The following AP3S1 variants were observed in gnomAD, a reference collection of about 807,000 sequenced individuals.
AP3S1 encodes adaptor related protein complex 3 subunit sigma 1.
AP3S1 carries 12 observed loss-of-function variants against 21.3 expected under a neutral mutation model. That is an observed-to-expected ratio of 0.56 (90% CI 0.36 to 0.91). The LOEUF (loss-of-function observed/expected upper bound fraction) is 0.91. AP3S1 is among the 40% of genes least tolerant of loss of function. The pLI, the probability that AP3S1 is intolerant of heterozygous loss-of-function variation, is 0.01. For missense variants in AP3S1, 116 were observed against 225.0 expected, an observed-to-expected ratio of 0.52 and a Z score of 3.10; for synonymous variants, 48 against 78.4, an observed-to-expected ratio of 0.61 and a Z score of 2.05.
intron 3 of AP3S1, among the ~76,000 whole-genome samples, chr5:115,871,433 A>G (rs1399342923): frequency 6.6e-6 from 1 of 152,152 alleles, no homozygotes; most frequent in Non-Finnish European, 1.5e-5. Flanking sequence ...CCTCCACTCC[A>G]TCTCACTATG....
At chr5:115,885,582 T>C (rs1749710366) in intron 3 of AP3S1, among the ~76,000 whole-genome samples, 1 of 152,196 alleles carries the variant, frequency 6.6e-6, no homozygotes, top group African/African-American at 2.4e-5. Flanking sequence ...TGGCAGCCAG[T>C]TGGATGGTGC....
intron 3 of AP3S1, among the ~76,000 whole-genome samples, chr5:115,886,928 T>C (rs1252793878): frequency 6.6e-6 from 1 of 152,210 alleles, no homozygotes; most frequent in South Asian, 2.1e-4. Flanking sequence ...AATAAATGAC[T>C]GTTTTTGCTA....
chr5:115,900,706 G>C (rs1460600283), intron 4 of AP3S1, among the ~76,000 whole-genome samples: 1 of 152,198 alleles, frequency 6.6e-6, no homozygotes, highest in Non-Finnish European at 1.5e-5. Context: ...CTTCAGTAGA[G>C]AATGATGTTT....
At chr5:115,910,705 T>TA (rs1201094986) in intron 5 of AP3S1, among the ~76,000 whole-genome samples, 2 of 152,306 alleles carry the variant, frequency 1.3e-5, no homozygotes, top group Middle Eastern at 3.4e-3. Flanking sequence ...TCTTTTTTTT[T>TA]AGCCCTAAAT....
At chr5:115,895,181 T>A in intron 4 of AP3S1, 23 bp downstream of exon 4, 2 of 1,494,602 alleles carry the variant, frequency 1.3e-6, no homozygotes, top group Non-Finnish European at 1.8e-6. Context: ...TTGTCACATC[T>A]AAGCTTTTTA....
chr5:115,843,090 T>C (rs1175494399), intron 1 of AP3S1, among the ~76,000 whole-genome samples: 2 of 152,246 alleles, frequency 1.3e-5, no homozygotes, highest in Admixed American at 6.5e-5. Context: ...TATAGAGTTA[T>C]GTGCTTACCT....
At chr5:115,896,568 C>G (rs1247444388) in intron 4 of AP3S1, among the ~76,000 whole-genome samples, 1 of 152,080 alleles carries the variant, frequency 6.6e-6, no homozygotes, top group Non-Finnish European at 1.5e-5. Flanking sequence ...TGCTTGAGCC[C>G]AGGAGTTTGA....
intron 3 of AP3S1, among the ~76,000 whole-genome samples, chr5:115,881,634 A>G (rs1749300796): frequency 6.6e-6 from 1 of 151,684 alleles, no homozygotes; most frequent in South Asian, 2.1e-4. Flanking sequence ...TACCTTTAAC[A>G]TTTTTTCCTT....
intron 2 of AP3S1, 38 bp downstream of exon 2, chr5:115,866,799 CTA>C (rs1763657177): frequency 1.4e-6 from 2 of 1,413,988 alleles, no homozygotes; most frequent in East Asian, 2.4e-5. Context: ...TAAGTTTTGA[CTA>C]TGTGATTAAA....
At chr5:115,901,226 C>A (rs867499145) in intron 4 of AP3S1, among the ~76,000 whole-genome samples, 6 of 151,970 alleles carry the variant, frequency 3.9e-5, no homozygotes, top group African/African-American at 1.5e-4. Flanking sequence ...TATGCATATA[C>A]ACACGTATAA....
chr5:115,850,404 CA>C (rs1360443892), intron 1 of AP3S1, among the ~76,000 whole-genome samples: 3 of 152,128 alleles, frequency 2.0e-5, no homozygotes, highest in Non-Finnish European at 4.4e-5. Context: ...TGCAAGTGTA[CA>C]GTTTTGTGGC....
chr5:115,894,923 ACT>A (rs1484197097), intron 3 of AP3S1, among the ~76,000 whole-genome samples, 162 bp from the exon 4 acceptor site: 3 of 152,052 alleles, frequency 2.0e-5, no homozygotes, highest in Non-Finnish European at 4.4e-5. Flanking sequence ...ACTTGGTAGG[ACT>A]CTATTCTTTT....
chr5:115,863,175 G>A (rs1763329175), intron 1 of AP3S1, among the ~76,000 whole-genome samples: 1 of 151,914 alleles, frequency 6.6e-6, no homozygotes, highest in African/African-American at 2.4e-5. Context: ...CGAGGCGGGT[G>A]GATCACCTCG....
intron 1 of AP3S1, among the ~76,000 whole-genome samples, chr5:115,845,095 GTAA>G (rs1280044366): frequency 1.3e-5 from 2 of 152,144 alleles, no homozygotes; most frequent in African/African-American, 4.8e-5. Context: ...TAGCATAAAA[GTAA>G]TGATGGCATA....
At chr5:115,868,683 AC>A (rs1747914875) in intron 2 of AP3S1, among the ~76,000 whole-genome samples, 1 of 151,852 alleles carries the variant, frequency 6.6e-6, no homozygotes, top group Admixed American at 6.6e-5. Context: ...GGAGTTCGAG[AC>A]CAGCCTGGGC....
At chr5:115,853,303 C>T (rs887853773) in intron 1 of AP3S1, among the ~76,000 whole-genome samples, 1 of 152,060 alleles carries the variant, frequency 6.6e-6, no homozygotes, top group Non-Finnish European at 1.5e-5. Context: ...AAATCCTTTG[C>T]CTGTTTTTAA....
At chr5:115,878,698 A>G (rs757495128) in intron 3 of AP3S1, among the ~76,000 whole-genome samples, 30 of 152,216 alleles carry the variant, frequency 2.0e-4, no homozygotes, top group East Asian at 3.9e-4. Context: ...TTGGTTCCAT[A>G]TGAAGTTTAA....
At chr5:115,895,233 TA>T in intron 4 of AP3S1, 75 bp downstream of exon 4, 1 of 977,146 alleles carries the variant, frequency 1.0e-6, no homozygotes. Context: ...AAAATGGCTT[TA>T]ATGAATAATT....
chr5:115,861,709 C>T lies in AP3S1; in HGVS notation c.70-4961C>T, dbSNP rs926361090. Among the ~76,000 whole-genome samples, 5 of 151,936 alleles carry T rather than the reference C, an allele frequency of 3.3e-5. No individual in the cohort carries two copies. The East Asian group carries it at 5.8e-4, about 18-fold the overall frequency. On this transcript the variant is annotated intron_variant, in intron 1 of 5. Coordinates refer to ENST00000316788, the MANE Select transcript of AP3S1 (RefSeq NM_001284.4). ...AGCTGGGACTACAGACATGCACTAC[C>T]ATGCCTGGGTAATTTTTTGTAGAGA...
Sources: gnomAD v4.1 joint callset for allele counts (sites outside exome capture counted in the v4.1 genomes callset) on GRCh38, gnomAD v4.1.1 for gene constraint, MANE v1.5 for transcripts, NCBI Gene and HGNC (gene_info 2026-07-23, HGNC 2026-07-21) for gene names.